The following RALYL variants were observed in gnomAD, a reference collection of about 807,000 sequenced individuals.
RALYL encodes the protein RNA-binding Raly-like protein.
Under a neutral mutation model 35.1 loss-of-function variants are expected in RALYL, and 29 were observed. The ratio of observed to expected loss-of-function variants is 0.83; its 90% CI spans 0.61 to 1.13. The LOEUF is 1.13. Ranked by LOEUF, RALYL falls within the 50% of genes most tolerant of loss-of-function variation. RALYL has a pLI of 0.00. For synonymous variants in RALYL, 120 were observed against 127.6 expected (o/e 0.94, Z 0.40); for missense variants, 359 against 360.4 (o/e 1.00, Z 0.03).
intron 2 of RALYL, among the ~76,000 whole-genome samples, chr8:84,773,290 T>C (rs1378790858): frequency 6.6e-6 from 1 of 152,228 alleles, no homozygotes; most frequent in Non-Finnish European, 1.5e-5. Flanking sequence ...AAGGATACAT[T>C]TATATTTTAT....
chr8:84,445,772 C>A (rs958369012), intron 1 of RALYL, among the ~76,000 whole-genome samples: 1 of 151,500 alleles, frequency 6.6e-6, no homozygotes, highest in Non-Finnish European at 1.5e-5. Flanking sequence ...CTTGTGACAA[C>A]ATCAATGATT....
intron 1 of RALYL, among the ~76,000 whole-genome samples, chr8:84,463,156 T>C (rs1199106424): frequency 2.0e-5 from 3 of 152,004 alleles, no homozygotes; most frequent in Non-Finnish European, 4.4e-5. Context: ...ATTCCTAATG[T>C]GACATTGATA....
At chr8:84,511,774 G>A (rs2057644097) in intron 1 of RALYL, among the ~76,000 whole-genome samples, 1 of 151,998 alleles carries the variant, frequency 6.6e-6, no homozygotes, top group African/African-American at 2.4e-5. Context: ...TAGCTCTCAT[G>A]TATGAGTGAG....
chr8:84,897,301 C>A (rs1844918501), intron 8 of RALYL, among the ~76,000 whole-genome samples: 1 of 152,144 alleles, frequency 6.6e-6, no homozygotes, highest in Non-Finnish European at 1.5e-5. Context: ...ACATTCCTAG[C>A]AACATAATCT....
chr8:84,303,861 A>T (rs1841275129), intron 1 of RALYL, among the ~76,000 whole-genome samples: 1 of 152,100 alleles, frequency 6.6e-6, no homozygotes, highest in Admixed American at 6.5e-5. Context: ...CATTTCTACG[A>T]CCTATATATT....
At chr8:84,522,194 C>T (rs1339115126) in intron 1 of RALYL, among the ~76,000 whole-genome samples, 1 of 150,368 alleles carries the variant, frequency 6.7e-6, no homozygotes, top group Non-Finnish European at 1.5e-5. Flanking sequence ...TCAGCGGGTT[C>T]TTAATAAAAT....
chr8:84,494,407 A>G (rs941504704), intron 1 of RALYL, among the ~76,000 whole-genome samples: 1 of 152,096 alleles, frequency 6.6e-6, no homozygotes, highest in Non-Finnish European at 1.5e-5. Context: ...TTCCATATGA[A>G]TTTTAAAGTA....
At chr8:84,701,497 TAGA>T (rs1228757023) in intron 2 of RALYL, among the ~76,000 whole-genome samples, 1 of 152,140 alleles carries the variant, frequency 6.6e-6, no homozygotes, top group African/African-American at 2.4e-5. Flanking sequence ...ACAAAATACT[TAGA>T]AGGTTTATGA....
intron 1 of RALYL, among the ~76,000 whole-genome samples, chr8:84,411,187 A>G (rs2044062594): frequency 6.6e-6 from 1 of 151,912 alleles, no homozygotes; most frequent in South Asian, 2.1e-4. Context: ...TGGTATTATC[A>G]TTAAGAATAT....
At chr8:84,648,497 C>T (rs1420838209) in intron 2 of RALYL, among the ~76,000 whole-genome samples, 1 of 152,008 alleles carries the variant, frequency 6.6e-6, no homozygotes, top group East Asian at 1.9e-4. Flanking sequence ...TGAAGATAAT[C>T]TTTTGTCCAA....
chr8:84,539,165 C>A (rs540890633), intron 2 of RALYL, among the ~76,000 whole-genome samples: 2 of 152,250 alleles, frequency 1.3e-5, no homozygotes, highest in South Asian at 4.1e-4. Context: ...ACATGTGGAA[C>A]TTTGGACAAG....
chr8:84,318,941 C>T (rs1469295990), intron 1 of RALYL, among the ~76,000 whole-genome samples: 1 of 152,144 alleles, frequency 6.6e-6, no homozygotes, highest in African/African-American at 2.4e-5. Context: ...ATAGAATGGC[C>T]TGCCAACACA....
intron 2 of RALYL, among the ~76,000 whole-genome samples, chr8:84,770,712 AT>A (rs961724034): frequency 1.3e-5 from 2 of 151,854 alleles, no homozygotes; most frequent in African/African-American, 4.8e-5. Flanking sequence ...AACATTCATT[AT>A]TTTTTGATTT....
At chr8:84,648,526 C>T (rs1487371537) in intron 2 of RALYL, among the ~76,000 whole-genome samples, 1 of 151,866 alleles carries the variant, frequency 6.6e-6, no homozygotes, top group African/African-American at 2.4e-5. Context: ...ATTCCTTTTC[C>T]CTGGCCATGC....
intron 1 of RALYL, among the ~76,000 whole-genome samples, chr8:84,198,310 AATTTT>A: frequency 6.6e-6 from 1 of 152,290 alleles, no homozygotes; most frequent in South Asian, 2.1e-4. Context: ...TATACATTTT[AATTTT>A]ATTCTCACTG....
At chr8:84,546,853 T>C (rs941925736) in intron 2 of RALYL, among the ~76,000 whole-genome samples, 1 of 152,210 alleles carries the variant, frequency 6.6e-6, no homozygotes, top group South Asian at 2.1e-4. Context: ...TGTGCTTTCT[T>C]ACTCTCCTTT....
chr8:84,321,214 C>T (rs1011542288), intron 1 of RALYL, among the ~76,000 whole-genome samples: 1 of 152,116 alleles, frequency 6.6e-6, no homozygotes, highest in South Asian at 2.1e-4. Context: ...GTGGGACTTA[C>T]AGTCTTTGCT....
At chr8:84,443,481 T>A (rs546441956) in intron 1 of RALYL, among the ~76,000 whole-genome samples, 12 of 152,302 alleles carry the variant, frequency 7.9e-5, no homozygotes, top group Admixed American at 6.5e-4. Context: ...TTGGATGCCT[T>A]GTCATGCAAA....
chr8:84,893,596 G>A (rs1330381387), intron 8 of RALYL, among the ~76,000 whole-genome samples: 1 of 152,162 alleles, frequency 6.6e-6, no homozygotes, highest in Non-Finnish European at 1.5e-5. Flanking sequence ...GTGTTATGGA[G>A]CCTTAGGCTA....
Sources: allele counts gnomAD v4.1 joint callset (sites outside exome capture counted in the v4.1 genomes callset), GRCh38; gene constraint gnomAD v4.1.1; transcripts MANE v1.5; gene names NCBI Gene and HGNC (gene_info 2026-07-23, HGNC 2026-07-21).